TTC28: variants seen among roughly 807,000 people sequenced by gnomAD.
TTC28 encodes tetratricopeptide repeat domain 28, also known as tetratricopeptide repeat protein 28.
A neutral mutation model predicts 198.0 loss-of-function variants in TTC28; 61 were observed. The observed-to-expected ratio is 0.31, with a 90% CI of 0.25 to 0.38. The LOEUF (loss-of-function observed/expected upper bound fraction) is 0.38. Ranked by LOEUF, TTC28 falls within the 10% of genes least tolerant of loss-of-function variation. The probability of loss-of-function intolerance (pLI) is 1.00; values close to 1 mark genes in which losing one functional copy is unlikely to be tolerated. For missense variants in TTC28, 2,678 were observed against 3,164.0 expected, an observed-to-expected ratio of 0.85 and a Z score of 3.69; for synonymous variants, 1,171 against 1,297.8, an observed-to-expected ratio of 0.90 and a Z score of 2.10.
Position 28,296,248 on chromosome 22 carries a change from T to G in TTC28, c.883A>C (p.Thr295Pro). The change falls in exon 5 of 23, where the codon ACT becomes CCT. Residue 295 changes from threonine to proline, a missense_variant. Transcript: ENST00000397906. ...FSKGNYREAL[T>P]NHRHQLVLAM... ...AGTACCAACTGATGCCTGTGGTTAG[T>G]GAGAGCCTCCCGGTAATTTCCTTTG... 6.4e-7 allele frequency: 1 copy of G among 1,551,058 alleles called. No individual in the cohort carries two copies. Among genetic ancestry groups the G allele is most frequent in the Non-Finnish European group, 8.7e-7 (1 of 1,146,696 alleles).
intron 2 of TTC28, among the ~76,000 whole-genome samples, chr22:28,572,945 C>G (rs1044845060): frequency 6.6e-6 from 1 of 151,980 alleles, no homozygotes; most frequent in Non-Finnish European, 1.5e-5. Context: ...GGCCATGAGT[C>G]TCAGACCAGC....
chr22:28,588,455 G>A (rs570275682), intron 2 of TTC28, among the ~76,000 whole-genome samples: 1 of 152,298 alleles, frequency 6.6e-6, no homozygotes, highest in South Asian at 2.1e-4. Flanking sequence ...GGCTGAGGTT[G>A]CAGGAGAATC....
At chr22:28,460,353 T>C (rs1003239598) in intron 2 of TTC28, among the ~76,000 whole-genome samples, 4 of 151,966 alleles carry the variant, frequency 2.6e-5, no homozygotes, top group South Asian at 2.1e-4. Context: ...TAGAAGGATA[T>C]AAAATAAAAA....
At chr22:28,559,106 T>C (rs2145988130) in intron 2 of TTC28, among the ~76,000 whole-genome samples, 1 of 152,304 alleles carries the variant, frequency 6.6e-6, no homozygotes, top group African/African-American at 2.4e-5. Context: ...AGTTGATATG[T>C]AGAGGGCCTG....
chr22:28,082,937 G>C (rs1178037673), intron 12 of TTC28, among the ~76,000 whole-genome samples: 1 of 151,928 alleles, frequency 6.6e-6, no homozygotes, highest in African/African-American at 2.4e-5. Context: ...TTATAGATCT[G>C]TTCAGATATT....
intron 9 of TTC28, 98 bp downstream of exon 9, chr22:28,101,073 G>T: frequency 2.4e-6 from 2 of 838,138 alleles, no homozygotes; most frequent in Non-Finnish European, 3.7e-6. Context: ...GTAGAAGTCA[G>T]TGCCTCTTGT....
chr22:28,612,875 A>C (rs2050841966), intron 2 of TTC28, among the ~76,000 whole-genome samples: 1 of 152,218 alleles, frequency 6.6e-6, no homozygotes, highest in African/African-American at 2.4e-5. Flanking sequence ...CCATGAGAAA[A>C]AGCAAAAAAT....
Position 28,090,561 on chromosome 22 carries a change from A to G in TTC28, c.3932+3519T>C, listed in dbSNP as rs1941783261. Among the ~76,000 whole-genome samples, 3 of 152,318 alleles carry G rather than the reference A, an allele frequency of 2.0e-5. No individual in the cohort carries two copies. In the South Asian group the frequency reaches 6.2e-4, roughly 32 times the overall value. On this transcript the variant is annotated intron_variant, in intron 12 of 22. Coordinates refer to ENST00000397906, the MANE Select transcript of TTC28 (RefSeq NM_001145418.2). Reference sequence around the variant, plus strand: ...CAGATCTTTGCTCCATTTCTATAATAAAGAATTTTGAGACCAAAGGGCATA... The same window carrying G: ...CAGATCTTTGCTCCATTTCTATAATGAAGAATTTTGAGACCAAAGGGCATA...
At chr22:28,166,978 G>A (rs950555680) in intron 5 of TTC28, among the ~76,000 whole-genome samples, 16 of 151,960 alleles carry the variant, frequency 1.1e-4, no homozygotes, top group African/African-American at 7.3e-5. Flanking sequence ...AATAAAAAAC[G>A]ACAAAGGGGA....
At chr22:28,662,755 T>C (rs543542331) in intron 1 of TTC28, among the ~76,000 whole-genome samples, 2 of 152,340 alleles carry the variant, frequency 1.3e-5, no homozygotes, top group Non-Finnish European at 1.5e-5. Context: ...TATTATTAAA[T>C]GGTTTTCATA....
At chr22:28,214,176 C>T (rs1239456269) in intron 5 of TTC28, among the ~76,000 whole-genome samples, 1 of 152,206 alleles carries the variant, frequency 6.6e-6, no homozygotes, top group Non-Finnish European at 1.5e-5. Context: ...ACCATAAAAA[C>T]CCTAGAAGAA....
At chr22:28,411,673 T>C (rs1438806085) in intron 2 of TTC28, among the ~76,000 whole-genome samples, 1 of 152,270 alleles carries the variant, frequency 6.6e-6, no homozygotes, top group East Asian at 1.9e-4. Flanking sequence ...TTACTATTGA[T>C]GATCTCTGTG....
chr22:28,541,310 G>A (rs914486594), intron 2 of TTC28, among the ~76,000 whole-genome samples: 4 of 152,146 alleles, frequency 2.6e-5, no homozygotes, highest in African/African-American at 9.7e-5. Flanking sequence ...GGACCTGCTG[G>A]GCCATAATGC....
chr22:28,315,698 G>T (rs1393352320), intron 2 of TTC28, among the ~76,000 whole-genome samples: 1 of 152,014 alleles, frequency 6.6e-6, no homozygotes, highest in African/African-American at 2.4e-5. Flanking sequence ...GTTCATAGTT[G>T]TGTGGGTCTA....
chr22:28,445,484 C>T (rs1038132610), intron 2 of TTC28, among the ~76,000 whole-genome samples: 1 of 152,208 alleles, frequency 6.6e-6, no homozygotes, highest in African/African-American at 2.4e-5. Flanking sequence ...AGAGGAGACA[C>T]AGCTTAGTCT....
chr22:28,428,131 A>G (rs1326764858), intron 2 of TTC28, among the ~76,000 whole-genome samples: 1 of 152,126 alleles, frequency 6.6e-6, no homozygotes, highest in Admixed American at 6.5e-5. Context: ...AAGACAAAAA[A>G]AAAAAAAAGA....
intron 5 of TTC28, among the ~76,000 whole-genome samples, chr22:28,285,168 A>G (rs1455333509): frequency 1.3e-5 from 2 of 152,204 alleles, no homozygotes; most frequent in Non-Finnish European, 2.9e-5. Context: ...ATACATACAC[A>G]CACATACATA....
chr22:28,592,215 G>C (rs1180476703), intron 2 of TTC28, among the ~76,000 whole-genome samples: 2 of 152,162 alleles, frequency 1.3e-5, no homozygotes, highest in Non-Finnish European at 2.9e-5. Flanking sequence ...GCTAGGTGTG[G>C]TGGTGAGCAC....
At chr22:28,519,661 C>A (rs115021747) in intron 2 of TTC28, among the ~76,000 whole-genome samples, 373 of 152,348 alleles carry the variant, frequency 2.4e-3, no homozygotes, top group African/African-American at 8.8e-3. Context: ...CCTTTCCTTT[C>A]ACCAATCACC....
Sources: gnomAD v4.1 joint callset for allele counts (sites outside exome capture counted in the v4.1 genomes callset) on GRCh38, gnomAD v4.1.1 for gene constraint, MANE v1.5 for transcripts, NCBI Gene and HGNC (gene_info 2026-07-23, HGNC 2026-07-21) for gene names.